The following GRK5 variants were observed in gnomAD, a reference collection of about 807,000 sequenced individuals.
The protein encoded by GRK5 is g protein-coupled receptor kinase GRK5.
In GRK5, 40 loss-of-function variants were observed where a neutral mutation model predicts 78.4. The ratio of observed to expected loss-of-function variants is 0.51; its 90% CI spans 0.40 to 0.66. The LOEUF is 0.66. Ranked by LOEUF, GRK5 falls within the 30% of genes least tolerant of loss-of-function variation. The pLI is 0.00. For synonymous variants in GRK5, 289 were observed against 296.8 expected (o/e 0.97, Z 0.27); for missense variants, 598 against 759.9 (o/e 0.79, Z 2.50).
chr10:119,285,244 A>C (rs1465759827), intron 1 of GRK5, among the ~76,000 whole-genome samples: 3 of 152,134 alleles, frequency 2.0e-5, no homozygotes, highest in Non-Finnish European at 4.4e-5. Context: ...GGGAGCACTA[A>C]GGGACTCCTG....
At position 119,430,683 on chromosome 10, in the gene GRK5, G is replaced by A. The variant is rs918781884; in HGVS notation, c.597+245G>A. Among the ~76,000 whole-genome samples the A allele has an allele frequency of 4.6e-5, 7 of 152,084 alleles. No individual in the cohort carries two copies. Among genetic ancestry groups the A allele is most frequent in the African/African-American group, 1.4e-4 (6 of 41,422 alleles). ...AGACGTGCTCTCCTGCCAGCCTCAG[G>A]CAGGATCCAGCCTGCAGAGGACAAA... is the stretch of plus-strand genomic sequence containing the variant. On this transcript the variant is annotated intron_variant, in intron 7 of 15. Transcript: ENST00000392870. The surrounding 1 kb of genome is among the most constrained non-coding windows in gnomAD (Gnocchi z 4.5).
intron 1 of GRK5, among the ~76,000 whole-genome samples, chr10:119,300,024 G>A (rs1850148855): frequency 6.6e-6 from 1 of 152,102 alleles, no homozygotes; most frequent in Non-Finnish European, 1.5e-5. Flanking sequence ...TTAAGGGGAA[G>A]CAGCCTTTTC....
intron 1 of GRK5, among the ~76,000 whole-genome samples, chr10:119,292,143 CTCCTCTTCCTCCTCCTCT>C (rs1849987757): frequency 7.2e-5 from 4 of 55,622 alleles, no homozygotes; most frequent in Non-Finnish European, 7.2e-5. Flanking sequence ...CCTCCTTCTC[CTCCTCTTCCTCCTCCTCT>C]TCCTCCTCCT....
At chr10:119,232,946 C>T (rs1250166182) in intron 1 of GRK5, among the ~76,000 whole-genome samples, 6 of 152,292 alleles carry the variant, frequency 3.9e-5, no homozygotes, top group South Asian at 2.1e-4. Flanking sequence ...CCCATAAATA[C>T]GTAGTTATGT....
At chr10:119,436,978 C>A in intron 9 of GRK5, 137 bp downstream of exon 9, 1 of 821,294 alleles carries the variant, frequency 1.2e-6, no homozygotes, top group Non-Finnish European at 1.8e-6. Flanking sequence ...CAGAGTCAGA[C>A]AGACTTTCCA....
At chr10:119,415,153 G>A (rs1237249301) in intron 4 of GRK5, among the ~76,000 whole-genome samples, 2 of 151,718 alleles carry the variant, frequency 1.3e-5, no homozygotes, top group African/African-American at 2.4e-5. Flanking sequence ...GAGAATGATC[G>A]TAGCAGCCTT....
intron 5 of GRK5, 142 bp downstream of exon 5, chr10:119,423,408 A>G (rs1274003615): frequency 1.6e-6 from 1 of 624,278 alleles, no homozygotes; most frequent in Non-Finnish European, 2.9e-6. Flanking sequence ...CTGTTTGTAT[A>G]CTTCCCACGA....
At chr10:119,364,145 A>G (rs956024763) in intron 2 of GRK5, among the ~76,000 whole-genome samples, 18 of 152,182 alleles carry the variant, frequency 1.2e-4, no homozygotes, top group African/African-American at 3.9e-4. Flanking sequence ...CAGTAAATCC[A>G]TCTTAAAGAA....
At chr10:119,420,337 AAAACAAAC>A (rs149499569) in intron 4 of GRK5, among the ~76,000 whole-genome samples, 1 of 106,328 alleles carries the variant, frequency 9.4e-6, no homozygotes, top group African/African-American at 2.8e-5. Context: ...GTTTGCTACT[AAAACAAAC>A]AAACAAACAA....
At position 119,443,540 on chromosome 10, in the gene GRK5, C is replaced by G. The variant is rs535861240; in HGVS notation, c.1058-4C>G. ...CACTCCTCTCTCCTCTCCTCTGCCC[C>G]CAGCTCCAGAGGTCCTGAACAACCA... On this transcript the variant is annotated splice_polypyrimidine_tract_variant and splice_region_variant and intron_variant, in intron 11 of 15. Transcript: ENST00000392870. 6.3e-7 allele frequency: 1 copy of G among 1,599,944 alleles called. No individual in the cohort carries two copies. The highest frequency in any genetic ancestry group is 2.3e-5 in the East Asian group (1 of 44,386).
In GRK5 at chr10:119,261,222, G is replaced by A. The variant is rs573091589; in HGVS notation, c.52+53253G>A. Among the ~76,000 whole-genome samples, 15 of 150,396 alleles carry A rather than the reference G, an allele frequency of 1.0e-4. No individual in the cohort carries two copies. The East Asian group carries it at 1.4e-3, about 14-fold the overall frequency. Reference sequence around the variant, plus strand: ...CGGAGGGTCTCCTCACTTATCAGACGGGGCGGCCGGGCAGAGACACTCCTC... The same window carrying A: ...CGGAGGGTCTCCTCACTTATCAGACAGGGCGGCCGGGCAGAGACACTCCTC... On this transcript the variant is annotated intron_variant, in intron 1 of 15. Transcript: ENST00000392870.
At chr10:119,335,597 A>G (rs1331739405) in intron 2 of GRK5, among the ~76,000 whole-genome samples, 5 of 152,208 alleles carry the variant, frequency 3.3e-5, no homozygotes, top group South Asian at 2.1e-4. Context: ...TCCTGACCTC[A>G]TGTGATCCAC....
At chr10:119,259,188 C>G (rs1158998932) in intron 1 of GRK5, among the ~76,000 whole-genome samples, 1 of 151,974 alleles carries the variant, frequency 6.6e-6, no homozygotes, top group East Asian at 1.9e-4. Context: ...CCTCAGCCTC[C>G]CGAGTAGCTG....
intron 1 of GRK5, among the ~76,000 whole-genome samples, chr10:119,311,120 T>C (rs1850351674): frequency 6.6e-6 from 1 of 152,198 alleles, no homozygotes; most frequent in Non-Finnish European, 1.5e-5. Flanking sequence ...TGGTGTGCAG[T>C]GTGGCTTATT....
intron 1 of GRK5, 122 bp from the exon 2 acceptor site, chr10:119,326,394 A>C: frequency 1.4e-6 from 1 of 719,034 alleles, no homozygotes; most frequent in Admixed American, 2.1e-5. Flanking sequence ...GGGGTGTGTC[A>C]CTGGCTTGGC....
intron 1 of GRK5, among the ~76,000 whole-genome samples, chr10:119,272,351 C>CG (rs1445079170): frequency 6.6e-6 from 1 of 151,986 alleles, no homozygotes; most frequent in Non-Finnish European, 1.5e-5. Flanking sequence ...CTGAGGTGGG[C>CG]GGATCACCTG....
intron 2 of GRK5, among the ~76,000 whole-genome samples, chr10:119,368,056 G>A (rs145386822): frequency 2.0e-5 from 3 of 152,324 alleles, no homozygotes; most frequent in Admixed American, 6.5e-5. Context: ...CCGGCCCTCC[G>A]TGGCTTTTGC....
intron 2 of GRK5, among the ~76,000 whole-genome samples, chr10:119,363,559 G>T (rs748056312): frequency 2.0e-5 from 3 of 152,190 alleles, no homozygotes; most frequent in Non-Finnish European, 4.4e-5. Flanking sequence ...TGGGGTTGGG[G>T]TCTACTAGGG....
At chr10:119,449,996 C>A (rs1853243181) in intron 13 of GRK5, among the ~76,000 whole-genome samples, 1 of 152,144 alleles carries the variant, frequency 6.6e-6, no homozygotes. Context: ...GAAACCTCCC[C>A]AGCTGATTCT....
Sources: allele counts gnomAD v4.1 joint callset (sites outside exome capture counted in the v4.1 genomes callset), GRCh38; gene constraint gnomAD v4.1.1; non-coding constraint Gnocchi (gnomAD v3.1); transcripts MANE v1.5; gene names NCBI Gene and HGNC (gene_info 2026-07-23, HGNC 2026-07-21).